VTI1A: variants seen among roughly 807,000 people sequenced by gnomAD.
The protein encoded by VTI1A is vesicle transport through interaction with t-SNAREs homolog 1A.
VTI1A carries 22 observed loss-of-function variants against 34.9 expected under a neutral mutation model. That is an observed-to-expected ratio of 0.63 (90% CI 0.45 to 0.90). The LOEUF (loss-of-function observed/expected upper bound fraction) is 0.90, where lower values mean the gene tolerates loss of function less well. Among genes scored for constraint, VTI1A ranks in the 40% least tolerant of loss-of-function variants. The probability of loss-of-function intolerance (pLI) is 0.00; values close to 1 mark genes in which losing one functional copy is unlikely to be tolerated. For missense variants in VTI1A, 268 were observed against 275.6 expected, an observed-to-expected ratio of 0.97 and a Z score of 0.20; for synonymous variants, 87 against 97.3, an observed-to-expected ratio of 0.89 and a Z score of 0.62.
rs141123839 is a variant in VTI1A, at chr10:112,736,295, T to C, written c.560+67297T>C. 5.9e-5 allele frequency among the ~76,000 whole-genome samples: 9 copies of C among 152,104 alleles called. No individual in the cohort carries two copies. In the East Asian group the frequency reaches 1.7e-3, roughly 29 times the overall value. Reference sequence around the variant, plus strand: ...CATATTTATTTCCTTTCTTCATTTATTTACTTGATTATTGTGATATACCAC... The same window carrying C: ...CATATTTATTTCCTTTCTTCATTTACTTACTTGATTATTGTGATATACCAC... On this transcript the variant is annotated intron_variant, in intron 7 of 7. Coordinates refer to ENST00000393077, the MANE Select transcript of VTI1A (RefSeq NM_145206.4).
rs71035394 is a variant in VTI1A at position 112,645,942 on chromosome 10, G to GTTTT, written c.428-22263_428-22260dup. ...AAAAGAAAGAACACCAATATACTGT[G>GTTTT]TTTTTTTTTTTTTTTTGGTTACCTG... On this transcript the variant is annotated intron_variant, in intron 5 of 7. Coordinates refer to ENST00000393077, the MANE Select transcript of VTI1A (RefSeq NM_145206.4). 1.4e-4 allele frequency among the ~76,000 whole-genome samples: 19 copies of GTTTT among 137,316 alleles called. 1 individual carries two copies. The highest frequency in any genetic ancestry group is 4.2e-4 in the East Asian group (2 of 4,748). 90.1% of individuals were successfully genotyped at this position (137,316 alleles called of 152,430 possible).
At chr10:112,830,849 A>ATATATATATATTTTTTTTTTTTTT in the VTI1A span, among the ~76,000 whole-genome samples, 3 of 33,496 alleles carry the variant, frequency 9.0e-5, no homozygotes, top group African/African-American at 2.9e-4. Flanking sequence ...ATATATATAT[A>ATATATATATATTTTTTTTTTTTTT]TTTTTTTTTT....
chr10:112,478,080 A>G (rs1848337228), intron 3 of VTI1A, among the ~76,000 whole-genome samples: 1 of 152,198 alleles, frequency 6.6e-6, no homozygotes, highest in African/African-American at 2.4e-5. Flanking sequence ...TCTTTGTATG[A>G]TCCTGGGCTC....
At position 112,449,236 on chromosome 10, in the gene VTI1A, G is replaced by C. The variant is rs1229019900; in HGVS notation, c.94+1769G>C. 2.6e-5 allele frequency: 4 copies of C among 152,256 alleles called. No individual in the cohort carries two copies. The South Asian group carries it at 6.2e-4, about 24-fold the overall frequency. 9.4% of individuals were successfully genotyped at this position (152,256 alleles called of 1,614,324 possible). Reference sequence around the variant, plus strand: ...ATCAGGACTTGTGGTTCCAGTTAGAGTTTTACTCATTTTTAATTGTAATTG... The same window carrying C: ...ATCAGGACTTGTGGTTCCAGTTAGACTTTTACTCATTTTTAATTGTAATTG... On this transcript the variant is annotated intron_variant, in intron 1 of 7. Transcript: ENST00000393077.
At chr10:112,718,240 A>G (rs1849677131) in intron 7 of VTI1A, among the ~76,000 whole-genome samples, 1 of 152,134 alleles carries the variant, frequency 6.6e-6, no homozygotes, top group Non-Finnish European at 1.5e-5. Flanking sequence ...ATGATTTCAA[A>G]TCTCTATTTG....
intron 7 of VTI1A, among the ~76,000 whole-genome samples, chr10:112,745,606 A>G (rs541152479): frequency 1.8e-4 from 27 of 152,268 alleles, no homozygotes; most frequent in African/African-American, 5.5e-4. Flanking sequence ...ACTACATCCA[A>G]AGTAAATTAT....
At chr10:112,678,851 G>A (rs1201734000) in intron 7 of VTI1A, among the ~76,000 whole-genome samples, 3 of 152,132 alleles carry the variant, frequency 2.0e-5, no homozygotes, top group African/African-American at 7.2e-5. Flanking sequence ...AAACAAGGAC[G>A]AGTTATAGAT....
At chr10:112,559,329 A>G (rs1398118362) in intron 5 of VTI1A, among the ~76,000 whole-genome samples, 2 of 152,214 alleles carry the variant, frequency 1.3e-5, no homozygotes, top group East Asian at 3.9e-4. Flanking sequence ...TAATTGTTTC[A>G]TACATAATAA....
intron 7 of VTI1A, among the ~76,000 whole-genome samples, chr10:112,733,628 A>G (rs1590129237): frequency 1.3e-5 from 2 of 152,196 alleles, no homozygotes; most frequent in East Asian, 3.8e-4. Flanking sequence ...TCTGAGAAAC[A>G]GCTGGGTCCT....
At chr10:112,807,868 A>G (rs925950552) in intron 7 of VTI1A, among the ~76,000 whole-genome samples, 6 of 151,982 alleles carry the variant, frequency 3.9e-5, no homozygotes, top group African/African-American at 9.7e-5. Context: ...AAAATAAAAA[A>G]TAAAAATAAA....
chr10:112,636,813 T>C (rs1191643157), intron 5 of VTI1A, among the ~76,000 whole-genome samples: 1 of 151,402 alleles, frequency 6.6e-6, no homozygotes, highest in Non-Finnish European at 1.5e-5. Context: ...CAGTATAAAT[T>C]AAATGCTAGA....
chr10:112,664,943 A>G (rs1243525509), intron 5 of VTI1A, among the ~76,000 whole-genome samples: 2 of 152,188 alleles, frequency 1.3e-5, no homozygotes, highest in South Asian at 2.1e-4. Context: ...CTTAATCTCA[A>G]GAAGACCCTC....
At chr10:112,822,210 C>T (rs1468601268), downstream of VTI1A, among the ~76,000 whole-genome samples, 2 of 152,056 alleles carry the variant, frequency 1.3e-5, no homozygotes, top group African/African-American at 2.4e-5. Context: ...GAGGTTGCCC[C>T]GTATCAGCTG....
At chr10:112,669,301 A>G (rs1451525002) in intron 7 of VTI1A, among the ~76,000 whole-genome samples, 1 of 152,082 alleles carries the variant, frequency 6.6e-6, no homozygotes, top group Non-Finnish European at 1.5e-5. Flanking sequence ...CAGCAGGCTG[A>G]TTTTATTTTC....
At chr10:112,774,919 A>G (rs1045634425) in intron 7 of VTI1A, among the ~76,000 whole-genome samples, 1 of 152,220 alleles carries the variant, frequency 6.6e-6, no homozygotes, top group African/African-American at 2.4e-5. Context: ...GTGTGTTAAC[A>G]TGCAACAGGG....
intron 1 of VTI1A, chr10:112,450,023 G>T (rs1010308418): frequency 1.3e-5 from 2 of 151,556 alleles, no homozygotes; most frequent in Non-Finnish European, 2.9e-5. Context: ...TCAGCCTCCC[G>T]AGTAGCTGGG....
At chr10:112,521,316 A>C (rs1850021169) in intron 3 of VTI1A, among the ~76,000 whole-genome samples, 1 of 152,090 alleles carries the variant, frequency 6.6e-6, no homozygotes, top group Admixed American at 6.6e-5. Context: ...GTATGGTGGA[A>C]TTACAGGATC....
At chr10:112,586,693 G>A (rs1449074099) in intron 5 of VTI1A, among the ~76,000 whole-genome samples, 1 of 151,904 alleles carries the variant, frequency 6.6e-6, no homozygotes, top group Non-Finnish European at 1.5e-5. Flanking sequence ...TCCTCTAGCC[G>A]ATCTCCTTAG....
intron 4 of VTI1A, 74 bp from the exon 5 acceptor site, chr10:112,538,172 T>A: frequency 2.4e-6 from 2 of 835,130 alleles, no homozygotes; most frequent in Non-Finnish European, 1.7e-6. Context: ...TACGAAGGCA[T>A]TTTTTTTTTA....
Sources: allele counts gnomAD v4.1 joint callset (sites outside exome capture counted in the v4.1 genomes callset), GRCh38; gene constraint gnomAD v4.1.1; transcripts MANE v1.5; gene names NCBI Gene and HGNC (gene_info 2026-07-23, HGNC 2026-07-21).